The following MALRD1 variants were observed in gnomAD, a reference collection of about 807,000 sequenced individuals.
MALRD1 encodes the protein MAM and LDL receptor class A domain containing 1.
In MALRD1, 247 loss-of-function variants were observed where a neutral mutation model predicts 242.1. That is an observed-to-expected ratio of 1.02 (90% CI 0.92 to 1.13). The LOEUF (loss-of-function observed/expected upper bound fraction) is 1.13. Ranked by LOEUF, MALRD1 falls within the 50% of genes most tolerant of loss-of-function variation. The pLI is 0.00. For missense variants in MALRD1, 2,989 were observed against 2,533.1 expected (o/e 1.18, Z -3.86); for synonymous variants, 995 against 866.6 (o/e 1.15, Z -2.60).
chr10:19,385,709 G>T (rs1029304246), intron 26 of MALRD1, among the ~76,000 whole-genome samples: 1 of 151,336 alleles, frequency 6.6e-6, no homozygotes, highest in Non-Finnish European at 1.5e-5. Context: ...CATTCTCTAT[G>T]GTTTATTCTC....
chr10:19,144,820 A>T (rs953232614), intron 10 of MALRD1, among the ~76,000 whole-genome samples: 1 of 135,496 alleles, frequency 7.4e-6, no homozygotes, highest in Non-Finnish European at 1.7e-5. Context: ...GGTATTTACT[A>T]TGTAGAGTGT....
intron 33 of MALRD1, among the ~76,000 whole-genome samples, chr10:19,587,430 AT>A (rs1219489514): frequency 6.6e-6 from 1 of 152,116 alleles, no homozygotes; most frequent in Non-Finnish European, 1.5e-5. Flanking sequence ...CTTGCATATC[AT>A]TTTTTCCTTC....
intron 2 of MALRD1, among the ~76,000 whole-genome samples, chr10:19,070,215 C>A (rs1433323290): frequency 6.6e-6 from 1 of 152,078 alleles, no homozygotes; most frequent in Admixed American, 6.6e-5. Context: ...ATAAATCCAT[C>A]ATAAATTGAA....
chr10:19,173,104 G>A (rs1355605824), intron 13 of MALRD1, among the ~76,000 whole-genome samples: 1 of 151,914 alleles, frequency 6.6e-6, no homozygotes, highest in African/African-American at 2.4e-5. Flanking sequence ...TTTATCTTGA[G>A]TATCTTTAGA....
At chr10:19,326,720 TA>T (rs940723874) in intron 22 of MALRD1, among the ~76,000 whole-genome samples, 4 of 152,192 alleles carry the variant, frequency 2.6e-5, no homozygotes, top group South Asian at 2.1e-4. Flanking sequence ...TGAATTTAAT[TA>T]AAAAAACAGA....
chr10:19,621,397 G>A (rs17365296), intron 36 of MALRD1, among the ~76,000 whole-genome samples: 6,269 of 133,508 alleles, frequency 0.047, 405 homozygotes, highest in African/African-American at 0.15. Context: ...CCAAGGAAAT[G>A]AATTGGCTGG....
chr10:19,393,903 C>T (rs1023610181), intron 28 of MALRD1, among the ~76,000 whole-genome samples: 2 of 152,148 alleles, frequency 1.3e-5, no homozygotes, highest in Non-Finnish European at 2.9e-5. Flanking sequence ...AAGACCTTTG[C>T]ATCTTTTCAA....
intron 28 of MALRD1, among the ~76,000 whole-genome samples, chr10:19,405,905 A>G (rs753153782): frequency 2.0e-5 from 3 of 151,886 alleles, no homozygotes; most frequent in Non-Finnish European, 4.4e-5. Flanking sequence ...TTTGACCTAT[A>G]GAGTTTATTT....
intron 35 of MALRD1, among the ~76,000 whole-genome samples, chr10:19,608,420 A>G (rs142208128): frequency 1.8e-3 from 281 of 152,170 alleles, no homozygotes; most frequent in African/African-American, 6.6e-3. Flanking sequence ...AACTGACAGT[A>G]TATATCTGTC....
intron 14 of MALRD1, among the ~76,000 whole-genome samples, chr10:19,198,372 A>C (rs1356155810): frequency 5.9e-5 from 9 of 152,226 alleles, no homozygotes; most frequent in African/African-American, 1.9e-4. Flanking sequence ...ATAGATGTAC[A>C]CATGAAGCAG....
chr10:19,390,084 G>C (rs1196338732), intron 28 of MALRD1, among the ~76,000 whole-genome samples: 1 of 152,154 alleles, frequency 6.6e-6, no homozygotes, highest in African/African-American at 2.4e-5. Flanking sequence ...TGAGACATGA[G>C]AACCAGCTTT....
At chr10:19,623,719 C>T (rs1293600081) in intron 36 of MALRD1, among the ~76,000 whole-genome samples, 3 of 152,118 alleles carry the variant, frequency 2.0e-5, no homozygotes, top group Non-Finnish European at 4.4e-5. Context: ...CCACTTCCCT[C>T]TCCCTTCACC....
intron 26 of MALRD1, among the ~76,000 whole-genome samples, chr10:19,384,100 T>C (rs1441442421): frequency 1.3e-5 from 2 of 151,278 alleles, no homozygotes; most frequent in Non-Finnish European, 2.9e-5. Context: ...TGGTTTGCAT[T>C]TGCATTCCTC....
chr10:19,251,363 C>T (rs1423989912), intron 18 of MALRD1, among the ~76,000 whole-genome samples: 3 of 151,932 alleles, frequency 2.0e-5, no homozygotes, highest in Admixed American at 6.6e-5. Flanking sequence ...CTTCTTGCCA[C>T]CTCTCTTTCT....
intron 26 of MALRD1, among the ~76,000 whole-genome samples, chr10:19,371,534 G>A (rs1230565344): frequency 6.6e-6 from 1 of 151,810 alleles, no homozygotes; most frequent in African/African-American, 2.4e-5. Context: ...CTAGCTGTGG[G>A]TATTACACTA....
intron 28 of MALRD1, among the ~76,000 whole-genome samples, chr10:19,390,987 G>A (rs1846313959): frequency 6.6e-6 from 1 of 152,042 alleles, no homozygotes; most frequent in African/African-American, 2.4e-5. Flanking sequence ...TTGATTCTAT[G>A]GTGTGCACCA....
intron 31 of MALRD1, among the ~76,000 whole-genome samples, chr10:19,505,436 G>A (rs1833078419): frequency 6.6e-6 from 1 of 152,166 alleles, no homozygotes; most frequent in Non-Finnish European, 1.5e-5. Context: ...TTCAAGTACA[G>A]AGGAAAGGCC....
intron 1 of MALRD1, among the ~76,000 whole-genome samples, chr10:19,050,798 T>C (rs1299052447): frequency 6.6e-6 from 1 of 152,212 alleles, no homozygotes; most frequent in Non-Finnish European, 1.5e-5. Flanking sequence ...TGACAAGCAG[T>C]GCCAAGTCCC....
chr10:19,334,427 T>C (rs1479607072), intron 24 of MALRD1, among the ~76,000 whole-genome samples: 2 of 151,724 alleles, frequency 1.3e-5, no homozygotes, highest in Non-Finnish European at 2.9e-5. Context: ...AAAAACTTAA[T>C]GTTTTTACCA....
Sources: gnomAD v4.1 joint callset for allele counts (sites outside exome capture counted in the v4.1 genomes callset) on GRCh38, gnomAD v4.1.1 for gene constraint, MANE v1.5 for transcripts, NCBI Gene and HGNC (gene_info 2026-07-23, HGNC 2026-07-21) for gene names.